The following DST variants were observed in gnomAD, a reference collection of about 807,000 sequenced individuals.
DST encodes dystonin, also known as bullous pemphigoid antigen.
DST carries 253 observed loss-of-function variants against 875.2 expected under a neutral mutation model. The ratio of observed to expected loss-of-function variants is 0.29; its 90% CI spans 0.26 to 0.32. The LOEUF (loss-of-function observed/expected upper bound fraction) is 0.32. Ranked by LOEUF, DST falls within the 10% of genes least tolerant of loss-of-function variation. The pLI is 1.00. For missense variants in DST, 8,287 were observed against 9,111.6 expected, an observed-to-expected ratio of 0.91 and a Z score of 3.68; for synonymous variants, 3,124 against 3,197.1, an observed-to-expected ratio of 0.98 and a Z score of 0.77.
Position 56,606,428 on chromosome 6 carries a change from C to T in DST, c.8200G>A (p.Glu2734Lys). Residue 2734 changes from glutamate to lysine, a missense_variant, in exon 40 of 104, where the codon GAA (glutamate) becomes AAA (lysine). By Grantham distance (56) the Glu-to-Lys change is moderately conservative. Transcript: ENST00000680361. ...GSERECTNIL[E>K]GDESDSLTDY... ...GTCAATGAGTCAGATTCATCACCTT[C>T]AAGGATATTTGTGCATTCCCTTTCT... 6.2e-7 allele frequency: 1 copy of T among 1,613,412 alleles called. No individual in the cohort carries two copies. The highest frequency in any genetic ancestry group is 2.2e-5 in the East Asian group (1 of 44,874).
chr6:56,636,532 T>A, intron 23 of DST, 25 bp downstream of exon 23: 1 of 1,584,508 alleles, frequency 6.3e-7, no homozygotes, highest in Non-Finnish European at 8.6e-7. Context: ...TACCATCTAT[T>A]GAAGTTATGA....
intron 36 of DST, chr6:56,619,789 A>G: frequency 6.2e-7 from 1 of 1,613,990 alleles, no homozygotes; most frequent in African/African-American, 1.3e-5. Context: ...ATCTGAGTGT[A>G]TTATTTGTTT....
intron 5 of DST, among the ~76,000 whole-genome samples, chr6:56,712,737 A>G (rs2099378738): frequency 6.6e-6 from 1 of 152,186 alleles, no homozygotes; most frequent in African/African-American, 2.4e-5. Context: ...AGCTTTTAAA[A>G]CAGAATTGTA....
chr6:56,644,315 A>G (rs1400639429), intron 15 of DST, among the ~76,000 whole-genome samples: 1 of 152,226 alleles, frequency 6.6e-6, no homozygotes, highest in Admixed American at 6.5e-5. Flanking sequence ...ACATATTATT[A>G]TACTTTAACA....
intron 43 of DST, 74 bp from the exon 44 acceptor site, chr6:56,601,750 T>A (rs962694975): frequency 1.7e-5 from 16 of 917,608 alleles, no homozygotes; most frequent in Middle Eastern, 3.4e-4. Flanking sequence ...ATAATATTTA[T>A]GTTTTGTAAA....
rs950360109 is a variant in DST at position 56,509,832 on chromosome 6, G to C, written c.18822C>G (p.Arg6274=). The change falls in exon 74 of 104, where the codon CGC becomes CGG. Residue 6274 remains arginine, a synonymous_variant. Transcript: ENST00000680361. ...GTGGCTGCCTCAGACGTTCCACGAT[G>C]CGTTCCAGGCTCTCAAGGATCTGAT... ...KIDQILESLE[R]IVERLRQPPS... is the part of the protein sequence containing the mutation. 1.2e-6 allele frequency: 2 copies of C among 1,613,326 alleles called. No homozygotes were observed. The highest frequency in any genetic ancestry group is 1.7e-5 in the Admixed American group (1 of 59,964).
intron 2 of DST, among the ~76,000 whole-genome samples, chr6:56,928,061 G>A (rs1245131813): frequency 6.6e-6 from 1 of 152,188 alleles, no homozygotes; most frequent in Non-Finnish European, 1.5e-5. Context: ...TCAGAGGAGG[G>A]AAGTGCATCT....
At chr6:56,887,210 A>G (rs775572171) in intron 3 of DST, among the ~76,000 whole-genome samples, 2 of 152,240 alleles carry the variant, frequency 1.3e-5, no homozygotes, top group Non-Finnish European at 2.9e-5. Flanking sequence ...GTTAAGTCAG[A>G]TGAGCTCTAA....
intron 89 of DST, 195 bp from the exon 90 acceptor site, chr6:56,482,373 A>C: frequency 4.4e-6 from 3 of 680,510 alleles, no homozygotes; most frequent in Non-Finnish European, 6.5e-6. Context: ...TTAAAAAAAA[A>C]GCCTATATGA....
chr6:56,889,417 T>C (rs1786241871), intron 3 of DST, among the ~76,000 whole-genome samples: 1 of 152,186 alleles, frequency 6.6e-6, no homozygotes, highest in Admixed American at 6.5e-5. Context: ...CAGTCAAAAC[T>C]GTCAGGTTCA....
rs760827729 is a variant in DST at position 56,471,282 on chromosome 6, A to C, written c.22159-14T>G. 2.6e-6 allele frequency: 4 copies of C among 1,562,534 alleles called. No homozygotes were observed. The East Asian group carries it at 9.3e-5, about 36-fold the overall frequency. The stretch of plus-strand genomic sequence containing the variant: ...AAATTCCCTCAGCTAAAAGGACAAA[A>C]AGTATTTTGATTGAGTTAATGCTGT... On this transcript the variant is annotated splice_polypyrimidine_tract_variant and intron_variant, in intron 94 of 103. Coordinates refer to ENST00000680361, the MANE Select transcript of DST (RefSeq NM_001374736.1).
At chr6:56,550,817 G>A (rs1441042777) in intron 61 of DST, among the ~76,000 whole-genome samples, 1 of 152,198 alleles carries the variant, frequency 6.6e-6, no homozygotes. Flanking sequence ...GGGTTCTAGA[G>A]AGAATTCCAA....
Position 56,597,765 on chromosome 6 carries a change from A to G in DST, c.12170T>C (p.Leu4057Pro), listed in dbSNP as rs752060835. The part of the protein sequence containing the change: ...DGQVGTTQEN[L>P]NQQYQKVKAQ... ...CTTAACTTTCTGATATTGCTGATTC[A>G]GATTCTCCTGAGTGGTTCCAACTTG... Residue 4057 changes from leucine (L) to proline (P), a missense_variant, in exon 47 of 104, where the codon CTG (leucine) becomes CCG (proline). Transcript: ENST00000680361. 2 of 1,613,748 alleles carry G rather than the reference A, an allele frequency of 1.2e-6. No individual in the cohort carries two copies. Among genetic ancestry groups the G allele is most frequent in the South Asian group, 2.2e-5 (2 of 91,050 alleles).
chr6:56,516,102 G>A (rs865848988), intron 71 of DST, among the ~76,000 whole-genome samples: 1 of 147,514 alleles, frequency 6.8e-6, no homozygotes, highest in African/African-American at 2.5e-5. Flanking sequence ...ATATATGTGT[G>A]TGTGTATATA....
intron 2 of DST, among the ~76,000 whole-genome samples, chr6:56,953,549 T>G (rs1823461809): frequency 1.3e-5 from 2 of 152,148 alleles, no homozygotes; most frequent in African/African-American, 2.4e-5. Flanking sequence ...CTGCAGCACT[T>G]TTAGGGTTTG....
chr6:56,596,452 C>T (rs2098388434), intron 47 of DST, among the ~76,000 whole-genome samples: 1 of 152,196 alleles, frequency 6.6e-6, no homozygotes, highest in African/African-American at 2.4e-5. Context: ...TAAGTCTACC[C>T]ACCAGTATTT....
intron 5 of DST, among the ~76,000 whole-genome samples, chr6:56,710,020 A>G (rs2099356822): frequency 6.6e-6 from 1 of 152,232 alleles, no homozygotes; most frequent in Non-Finnish European, 1.5e-5. Context: ...TCCCAGGTTA[A>G]GAAGCTTGAA....
intron 2 of DST, among the ~76,000 whole-genome samples, chr6:56,918,997 A>AT (rs922907284): frequency 2.0e-5 from 3 of 151,758 alleles, no homozygotes; most frequent in Non-Finnish European, 4.4e-5. Flanking sequence ...TTTATAAGCC[A>AT]TTTTTTTCTC....
chr6:56,749,088 C>T (rs1300287493), intron 4 of DST, among the ~76,000 whole-genome samples: 1 of 151,960 alleles, frequency 6.6e-6, no homozygotes, highest in Non-Finnish European at 1.5e-5. Flanking sequence ...GAGCTTGGGC[C>T]GGGCGCAGTG....
Sources: gnomAD v4.1 joint callset for allele counts (sites outside exome capture counted in the v4.1 genomes callset) on GRCh38, gnomAD v4.1.1 for gene constraint, MANE v1.5 for transcripts, NCBI Gene and HGNC (gene_info 2026-07-23, HGNC 2026-07-21) for gene names.